The following LACTB2 variants were observed in gnomAD, a reference collection of about 807,000 sequenced individuals.
The protein encoded by LACTB2 is lactamase beta 2.
Under a neutral mutation model 34.8 loss-of-function variants are expected in LACTB2, and 32 were observed. That is an observed-to-expected ratio of 0.92 (90% confidence interval 0.69 to 1.24). The LOEUF (loss-of-function observed/expected upper bound fraction) is 1.24. Among genes scored for constraint, LACTB2 ranks in the 50% most tolerant of loss-of-function variants. The pLI is 0.00. For synonymous variants in LACTB2, 120 were observed against 117.5 expected (o/e 1.02, Z -0.14); for missense variants, 320 against 345.0 (o/e 0.93, Z 0.57).
At chr8:70,656,785 C>G (rs1415742162) in intron 3 of LACTB2, among the ~76,000 whole-genome samples, 3 of 152,096 alleles carry the variant, frequency 2.0e-5, no homozygotes, top group African/African-American at 7.2e-5. Context: ...TGGTCATTTT[C>G]ACAATACTGA....
chr8:70,655,168 T>C (rs1467217032), intron 3 of LACTB2, among the ~76,000 whole-genome samples: 1 of 151,942 alleles, frequency 6.6e-6, no homozygotes, highest in Non-Finnish European at 1.5e-5. Context: ...TCATTTAGAA[T>C]AATAGTCTCC....
At chr8:70,653,781 C>G (rs375715382) in intron 3 of LACTB2, 3 of 152,122 alleles carry the variant, frequency 2.0e-5, no homozygotes, top group Non-Finnish European at 4.4e-5. Context: ...ATGAAAACCT[C>G]CCATGCAATA....
At chr8:70,657,643 G>T in intron 3 of LACTB2, 113 bp downstream of exon 3, 1 of 1,036,852 alleles carries the variant, frequency 9.6e-7, no homozygotes, top group South Asian at 2.0e-5. Context: ...GAACTCCTGG[G>T]CTCAAACGAT....
At chr8:70,648,317 A>G (rs1818290945) in intron 3 of LACTB2, among the ~76,000 whole-genome samples, 1 of 152,212 alleles carries the variant, frequency 6.6e-6, no homozygotes, top group Non-Finnish European at 1.5e-5. Context: ...AAAAACGAAC[A>G]AGCAAACAAA....
At chr8:70,654,123 A>G (rs1475328500) in intron 3 of LACTB2, 2 of 152,222 alleles carry the variant, frequency 1.3e-5, no homozygotes, top group African/African-American at 2.4e-5. Context: ...CTATTATAGA[A>G]TAAAATTTAT....
At chr8:70,650,443 C>T (rs1818324641) in intron 3 of LACTB2, among the ~76,000 whole-genome samples, 2 of 152,014 alleles carry the variant, frequency 1.3e-5, no homozygotes. Flanking sequence ...TTAAACTCTC[C>T]TGGAGCACAG....
At chr8:70,644,871 C>T (rs1178620343) in intron 3 of LACTB2, among the ~76,000 whole-genome samples, 2 of 152,034 alleles carry the variant, frequency 1.3e-5, no homozygotes, top group Non-Finnish European at 2.9e-5. Context: ...AAATGAACAT[C>T]AACAATCATT....
At chr8:70,660,359 T>A (rs1041902988) in intron 2 of LACTB2, 15 of 311,884 alleles carry the variant, frequency 4.8e-5, no homozygotes, top group Non-Finnish European at 8.8e-5. Context: ...ACTGACAGAT[T>A]ATAAGTTCCT....
Position 70,640,901 on chromosome 8 carries a change from C to A in LACTB2, c.741+1G>T. 6.4e-7 allele frequency: 1 copy of A among 1,569,784 alleles called. No homozygotes were observed. ...ATACAAATAAGAAAACTGAAAATTA[C>A]CTTGTAAATAATTTTTACAAGCTCC... On this transcript the variant is annotated splice_donor_variant, in intron 5 of 6. Coordinates refer to ENST00000276590, the MANE Select transcript of LACTB2 (RefSeq NM_016027.3). LOFTEE classifies it high-confidence loss of function.
chr8:70,639,229 G>A lies in LACTB2; in HGVS notation c.742-600C>T, dbSNP rs151317030. Among the ~76,000 whole-genome samples, 472 of 151,418 alleles carry A rather than the reference G, an allele frequency of 3.1e-3. 3 individuals are homozygous for A. The highest frequency in any genetic ancestry group is 0.011 in the African/African-American group (453 of 41,252). On this transcript the variant is annotated intron_variant, in intron 5 of 6. Coordinates refer to ENST00000276590, the MANE Select transcript of LACTB2 (RefSeq NM_016027.3). ...GGCTGGAGTGCAATGGCGCGATCTC[G>A]GCTCACTGCAACCTCCACCTCCCAG...
intron 3 of LACTB2, among the ~76,000 whole-genome samples, chr8:70,647,340 C>T (rs1818276648): frequency 6.6e-6 from 1 of 151,744 alleles, no homozygotes; most frequent in African/African-American, 2.4e-5. Flanking sequence ...GCAACCTCTG[C>T]CTCCCAGGTT....
chr8:70,667,993 C>T (rs1818557795), intron 1 of LACTB2, among the ~76,000 whole-genome samples: 2 of 152,172 alleles, frequency 1.3e-5, no homozygotes. Flanking sequence ...CTCTATCCTC[C>T]TAGATTCTGG....
rs1818235914 is a variant in LACTB2 at position 70,644,261 on chromosome 8, TA to T, written c.414-19del. On this transcript the variant is annotated intron_variant, in intron 3 of 6. Transcript: ENST00000276590. ...ATAGAACTCTGGTTGAAAGAAGAAA[TA>T]AGGAATAATAACAATTATGAACTCG... is the stretch of plus-strand genomic sequence containing the variant. 6.7e-7 allele frequency: 1 copy of T among 1,494,626 alleles called. No individual in the cohort carries two copies. The highest frequency in any genetic ancestry group is 2.2e-5 in the Admixed American group (1 of 44,552). 92.6% of individuals were successfully genotyped at this position (1,494,626 alleles called of 1,614,324 possible).
intron 4 of LACTB2, among the ~76,000 whole-genome samples, chr8:70,643,856 C>G (rs2132070031): frequency 6.6e-6 from 1 of 152,008 alleles, no homozygotes; most frequent in Middle Eastern, 3.4e-3. Flanking sequence ...AGAGACAAGC[C>G]AAAATGAACC....
At chr8:70,638,412 A>C in intron 6 of LACTB2, 136 bp downstream of exon 6, 2 of 927,888 alleles carry the variant, frequency 2.2e-6, no homozygotes, top group South Asian at 2.1e-5. Context: ...TGACCTTCCT[A>C]GCGCCTGTCT....
chr8:70,668,860 C>T, intron 1 of LACTB2, 139 bp downstream of exon 1: 1 of 1,197,900 alleles, frequency 8.3e-7, no homozygotes, highest in Non-Finnish European at 1.2e-6. Flanking sequence ...CGTGCAGTCC[C>T]GACGGGGCTG....
intron 3 of LACTB2, chr8:70,654,810 C>G (rs1460644944): frequency 6.6e-6 from 1 of 152,510 alleles, no homozygotes; most frequent in Non-Finnish European, 1.5e-5. Context: ...GCCAAGAACT[C>G]CTGGACTTAA....
At chr8:70,650,414 T>C (rs1818324350) in intron 3 of LACTB2, among the ~76,000 whole-genome samples, 1 of 152,150 alleles carries the variant, frequency 6.6e-6, no homozygotes, top group Non-Finnish European at 1.5e-5. Context: ...AAAGGTCAGA[T>C]AATTTCACTA....
chr8:70,657,720 C>T, intron 3 of LACTB2, 36 bp downstream of exon 3: 1 of 1,583,928 alleles, frequency 6.3e-7, no homozygotes, highest in Non-Finnish European at 8.6e-7. Context: ...CATACACAGA[C>T]TCTTCACCTT....
Sources: gnomAD v4.1 joint callset for allele counts (sites outside exome capture counted in the v4.1 genomes callset) on GRCh38, gnomAD v4.1.1 for gene constraint, MANE v1.5 for transcripts, NCBI Gene and HGNC (gene_info 2026-07-23, HGNC 2026-07-21) for gene names.